The following NT5C3A variants were observed in gnomAD, a reference collection of about 807,000 sequenced individuals.
The protein encoded by NT5C3A is cytosolic 5'-nucleotidase 3A.
Under a neutral mutation model 40.0 loss-of-function variants are expected in NT5C3A, and 23 were observed. The ratio of observed to expected loss-of-function variants is 0.58; its 90% CI spans 0.41 to 0.81. The LOEUF is 0.81. NT5C3A is among the 40% of genes least tolerant of loss of function. The probability of loss-of-function intolerance (pLI) is 0.00; values close to 1 mark genes in which losing one functional copy is unlikely to be tolerated. For missense variants in NT5C3A, 328 were observed against 403.0 expected, an observed-to-expected ratio of 0.81 and a Z score of 1.59; for synonymous variants, 130 against 141.4, an observed-to-expected ratio of 0.92 and a Z score of 0.57.
Position 33,021,406 on chromosome 7 carries a change from C to A in NT5C3A, c.355-49G>T, listed in dbSNP as rs72555743. The A allele has an allele frequency of 2.3e-5, 37 of 1,593,566 alleles. No homozygotes were observed. The Admixed American group carries it at 6.3e-4, about 27-fold the overall frequency. On this transcript the variant is annotated intron_variant, in intron 4 of 8. Coordinates refer to ENST00000610140, the MANE Select transcript of NT5C3A (RefSeq NM_001002010.5). Reference sequence around the variant, plus strand: ...TCATGAAGATTACTTGAAAATAAATCTGCTTGGTTTTATAGAAAGCAAAAC... The same window carrying A: ...TCATGAAGATTACTTGAAAATAAATATGCTTGGTTTTATAGAAAGCAAAAC...
At chr7:33,046,993 C>G (rs1330229498) in intron 1 of NT5C3A, among the ~76,000 whole-genome samples, 3 of 146,138 alleles carry the variant, frequency 2.1e-5, no homozygotes, top group African/African-American at 5.1e-5. Flanking sequence ...TTTTAAGAGT[C>G]GGGTCTTGCT....
intron 1 of NT5C3A, among the ~76,000 whole-genome samples, chr7:33,060,416 C>T (rs1192090628): frequency 1.4e-5 from 2 of 145,492 alleles, no homozygotes; most frequent in Admixed American, 6.9e-5. Context: ...TCTCCCACCT[C>T]ACCCTCCCAA....
In NT5C3A at chr7:33,014,145, A is replaced by C; in HGVS notation, c.*585T>G. On this transcript the variant is annotated 3_prime_UTR_variant, in exon 9 of 9. Transcript: ENST00000610140. ...GACCATAGAATTAAAAAGGTTTTGCATTTCATATTTATTATCAGTGCTTCA... is the reference window on the plus strand; with the variant it reads ...GACCATAGAATTAAAAAGGTTTTGCCTTTCATATTTATTATCAGTGCTTCA... The C allele has an allele frequency of 2.3e-6, 1 of 439,876 alleles. No individual in the cohort carries two copies. The highest frequency in any genetic ancestry group is 1.6e-5 in the South Asian group (1 of 61,296). 27.2% of individuals were successfully genotyped at this position (439,876 alleles called of 1,614,324 possible).
chr7:33,021,865 C>G, intron 4 of NT5C3A, 188 bp downstream of exon 4: 1 of 544,440 alleles, frequency 1.8e-6, no homozygotes, highest in Non-Finnish European at 3.3e-6. Context: ...GAATTTTTAT[C>G]TTTAAAATAT....
intron 1 of NT5C3A, among the ~76,000 whole-genome samples, chr7:33,050,995 A>G (rs1283436496): frequency 6.6e-6 from 1 of 152,026 alleles, no homozygotes; most frequent in Non-Finnish European, 1.5e-5. Context: ...CCTATCAGGT[A>G]TGGTTTAATG....
At chr7:33,046,531 CA>C (rs35152276) in intron 1 of NT5C3A, among the ~76,000 whole-genome samples, 121,481 of 147,550 alleles carry the variant, frequency 0.82, 50,003 homozygotes, top group African/African-American at 0.91. Flanking sequence ...GAGGTTGTCT[CA>C]AAAAAAAAAA....
intron 1 of NT5C3A, among the ~76,000 whole-genome samples, chr7:33,060,199 C>T (rs947597046): frequency 3.3e-5 from 5 of 152,122 alleles, no homozygotes; most frequent in Non-Finnish European, 5.9e-5. Flanking sequence ...GGGATCCTCC[C>T]GCCTCAGCCT....
chr7:33,016,852 T>C (rs1785359142), intron 7 of NT5C3A, among the ~76,000 whole-genome samples: 1 of 152,106 alleles, frequency 6.6e-6, no homozygotes, highest in Non-Finnish European at 1.5e-5. Context: ...CAACTATGAA[T>C]GTTAAGGCTT....
chr7:33,029,859 GC>G lies in NT5C3A; in HGVS notation c.139-2945del, dbSNP rs1375956988. On this transcript the variant is annotated intron_variant, in intron 1 of 8. Transcript: ENST00000610140. ...TGGGATTACAGGTGTAAGCCACCAT[GC>G]CCAGCCAATACTGGTTTACTTTAAA... 11 of 378,058 alleles carry G rather than the reference GC, an allele frequency of 2.9e-5. No individual in the cohort carries two copies. The East Asian group carries it at 8.0e-4, about 28-fold the overall frequency. 23.4% of individuals were successfully genotyped at this position (378,058 alleles called of 1,614,324 possible).
intron 5 of NT5C3A, 39 bp from the exon 6 acceptor site, chr7:33,019,763 A>T (rs1243301386): frequency 9.6e-7 from 1 of 1,042,206 alleles, no homozygotes; most frequent in Non-Finnish European, 1.5e-6. Context: ...CTATCAATTA[A>T]GACAAACTAA....
chr7:33,015,268 T>G (rs575975230), intron 8 of NT5C3A, among the ~76,000 whole-genome samples: 1 of 152,150 alleles, frequency 6.6e-6, no homozygotes, highest in Non-Finnish European at 1.5e-5. Flanking sequence ...TCAAAATGCA[T>G]GATCACAATA....
In NT5C3A at chr7:33,015,675, C is replaced by A; in HGVS notation, c.889G>T (p.Asp297Tyr). 6.3e-7 allele frequency: 1 copy of A among 1,596,176 alleles called. No individual in the cohort carries two copies. Among genetic ancestry groups the A allele is most frequent in the Non-Finnish European group, 8.6e-7 (1 of 1,164,914 alleles). ...TTACAGATTTGTATACTTACTCTATCATTTAGATATCCAATTTTCAGAATG... is the reference window on the plus strand; with the variant it reads ...TTACAGATTTGTATACTTACTCTATAATTTAGATATCCAATTTTCAGAATG... ...EHILKIGYLNDRVDELLEKYM... is the reference protein window; with the variant it reads ...EHILKIGYLNYRVDELLEKYM... The change falls in exon 8 of 9, where the codon GAT (aspartate) becomes TAT (tyrosine). Residue 297 changes from aspartate to tyrosine, a missense_variant. Asp to Tyr is a radical substitution (Grantham distance 160). Transcript: ENST00000610140.
At chr7:33,026,353 G>GAAAAAAAAAAAAAA (rs1226260693) in intron 2 of NT5C3A, among the ~76,000 whole-genome samples, 3 of 94,154 alleles carry the variant, frequency 3.2e-5, no homozygotes, top group African/African-American at 4.1e-5. Flanking sequence ...CATCTCAAAA[G>GAAAAAAAAAAAAAA]AAAAAAAAAA....
intron 5 of NT5C3A, among the ~76,000 whole-genome samples, chr7:33,020,927 G>A (rs1785591056): frequency 2.0e-5 from 3 of 151,892 alleles, no homozygotes; most frequent in Admixed American, 6.6e-5. Flanking sequence ...TCACCTGCTG[G>A]CTCTGAGTTC....
chr7:33,060,707 T>C (rs564802233), intron 1 of NT5C3A, among the ~76,000 whole-genome samples: 54 of 152,178 alleles, frequency 3.5e-4, no homozygotes, highest in Admixed American at 7.9e-4. Context: ...ACATCATGGG[T>C]TTGCAGAGAT....
intron 1 of NT5C3A, among the ~76,000 whole-genome samples, chr7:33,031,867 G>A (rs1004397212): frequency 1.3e-5 from 2 of 152,136 alleles, no homozygotes; most frequent in African/African-American, 4.8e-5. Flanking sequence ...GCTGACGCCT[G>A]GAATCCCAGC....
chr7:33,018,539 A>T (rs967436664), intron 6 of NT5C3A, among the ~76,000 whole-genome samples: 1 of 152,218 alleles, frequency 6.6e-6, no homozygotes, highest in Non-Finnish European at 1.5e-5. Context: ...AAATTTTACG[A>T]GGTAATAAAC....
intron 1 of NT5C3A, among the ~76,000 whole-genome samples, chr7:33,039,117 A>T (rs986467947): frequency 6.6e-6 from 1 of 152,204 alleles, no homozygotes; most frequent in Non-Finnish European, 1.5e-5. Context: ...TAAGAACTTC[A>T]CTTAACACAA....
intron 3 of NT5C3A, among the ~76,000 whole-genome samples, chr7:33,023,491 G>A (rs1785746406): frequency 6.6e-6 from 1 of 151,998 alleles, no homozygotes; most frequent in South Asian, 2.1e-4. Flanking sequence ...ACTCCTGACT[G>A]CAAATGATCT....
Sources: gnomAD v4.1 joint callset for allele counts (sites outside exome capture counted in the v4.1 genomes callset) on GRCh38, gnomAD v4.1.1 for gene constraint, MANE v1.5 for transcripts, NCBI Gene and HGNC (gene_info 2026-07-23, HGNC 2026-07-21) for gene names.